GPC5: variants seen among roughly 807,000 people sequenced by gnomAD.
GPC5 encodes glypican-5.
A neutral mutation model predicts 53.9 loss-of-function variants in GPC5; 47 were observed. The observed-to-expected ratio is 0.87, with a 90% CI of 0.69 to 1.11. GPC5 has a LOEUF of 1.11. Among genes scored for constraint, GPC5 ranks in the 50% most tolerant of loss-of-function variants. The pLI is 0.00. For missense variants in GPC5, 748 were observed against 713.1 expected (o/e 1.05, Z -0.56); for synonymous variants, 286 against 263.3 (o/e 1.09, Z -0.84).
intron 3 of GPC5, among the ~76,000 whole-genome samples, chr13:91,705,068 G>A (rs1199616083): frequency 2.0e-5 from 3 of 152,190 alleles, no homozygotes; most frequent in Non-Finnish European, 4.4e-5. Flanking sequence ...GGTGTAAGAG[G>A]TGTGAGGATG....
At chr13:92,600,270 A>G (rs1479676753) in intron 7 of GPC5, among the ~76,000 whole-genome samples, 1 of 152,010 alleles carries the variant, frequency 6.6e-6, no homozygotes, top group Non-Finnish European at 1.5e-5. Context: ...ATATTTCATC[A>G]TCTTGTATGT....
At chr13:92,747,518 A>G (rs1475353) in intron 7 of GPC5, among the ~76,000 whole-genome samples, 37,163 of 152,068 alleles carry the variant, frequency 0.24, 4,955 homozygotes, top group East Asian at 0.4. Flanking sequence ...CACTGGGGGT[A>G]TGCATTGACC....
chr13:92,218,677 T>C (rs1467982091), intron 7 of GPC5, among the ~76,000 whole-genome samples: 3 of 152,172 alleles, frequency 2.0e-5, no homozygotes, highest in African/African-American at 7.2e-5. Flanking sequence ...AACCTAAGTT[T>C]CTCTAATAAA....
At chr13:91,616,706 A>T (rs1164286249) in intron 2 of GPC5, among the ~76,000 whole-genome samples, 1 of 152,162 alleles carries the variant, frequency 6.6e-6, no homozygotes. Flanking sequence ...AAAAGATCAT[A>T]TATTTAATTG....
chr13:92,134,745 T>C (rs1207293125), intron 6 of GPC5, among the ~76,000 whole-genome samples: 1 of 152,138 alleles, frequency 6.6e-6, no homozygotes, highest in Admixed American at 6.5e-5. Flanking sequence ...AATATCTTTC[T>C]AAAAGGGAGT....
At chr13:92,649,895 T>A (rs1885897838) in intron 7 of GPC5, among the ~76,000 whole-genome samples, 1 of 152,142 alleles carries the variant, frequency 6.6e-6, no homozygotes, top group Non-Finnish European at 1.5e-5. Context: ...ATACTTCGAA[T>A]AATTTAAAAA....
chr13:91,671,787 A>C, intron 2 of GPC5, among the ~76,000 whole-genome samples: 1 of 148,028 alleles, frequency 6.8e-6, no homozygotes, highest in Non-Finnish European at 1.5e-5. Flanking sequence ...AAGCAAAAAA[A>C]AAAAAAAAAA....
intron 6 of GPC5, among the ~76,000 whole-genome samples, chr13:91,965,436 A>G (rs80299786): frequency 0.029 from 4,369 of 152,184 alleles, 210 homozygotes; most frequent in African/African-American, 0.098. Flanking sequence ...GAATGATTAG[A>G]TATTTATAAC....
intron 7 of GPC5, among the ~76,000 whole-genome samples, chr13:92,725,394 T>C (rs1387110222): frequency 1.3e-5 from 2 of 151,514 alleles, no homozygotes; most frequent in Non-Finnish European, 3.0e-5. Context: ...ACTTTCAGAA[T>C]TGAGTGGGCT....
intron 7 of GPC5, among the ~76,000 whole-genome samples, chr13:92,239,512 C>A (rs1165460115): frequency 2.6e-5 from 4 of 151,880 alleles, no homozygotes; most frequent in Non-Finnish European, 5.9e-5. Context: ...TACAACACAC[C>A]ACTACACACC....
chr13:92,448,253 T>C (rs186657292), intron 7 of GPC5: 84 of 152,268 alleles, frequency 5.5e-4, no homozygotes, highest in Non-Finnish European at 1.0e-3. Context: ...GTTTCATTTA[T>C]TGGCATTTAA....
At chr13:92,262,550 A>G (rs1017122460) in intron 7 of GPC5, among the ~76,000 whole-genome samples, 4 of 152,172 alleles carry the variant, frequency 2.6e-5, no homozygotes, top group Non-Finnish European at 2.9e-5. Context: ...AATGCCATGC[A>G]TTTGAGCTCA....
intron 7 of GPC5, among the ~76,000 whole-genome samples, chr13:92,406,305 A>C (rs1875793584): frequency 1.3e-5 from 2 of 152,188 alleles, no homozygotes; most frequent in South Asian, 4.1e-4. Context: ...TTTTCTGTGA[A>C]ACTCCAATTT....
At chr13:92,751,931 G>A (rs1376905383) in intron 7 of GPC5, among the ~76,000 whole-genome samples, 5 of 151,670 alleles carry the variant, frequency 3.3e-5, no homozygotes, top group South Asian at 2.1e-4. Context: ...GGATCTACTC[G>A]TTTTCAGTTA....
chr13:92,702,683 C>T (rs1478601770), intron 7 of GPC5, among the ~76,000 whole-genome samples: 2 of 152,062 alleles, frequency 1.3e-5, no homozygotes, highest in South Asian at 2.1e-4. Context: ...TCTTATACTT[C>T]GGTCCATCAT....
intron 7 of GPC5, among the ~76,000 whole-genome samples, chr13:92,374,856 AAAAAAAAAAATAG>A (rs1447091832): frequency 9.7e-5 from 5 of 51,388 alleles, no homozygotes; most frequent in East Asian, 8.8e-4. Flanking sequence ...AGTATAATAA[AAAAAAAAAAATAG>A]AAAAAAAAAA....
chr13:92,315,282 G>T (rs2043171379), intron 7 of GPC5, among the ~76,000 whole-genome samples: 1 of 152,234 alleles, frequency 6.6e-6, no homozygotes, highest in South Asian at 2.1e-4. Flanking sequence ...AGTGGGACTG[G>T]GGAGGTTTTC....
At chr13:91,760,714 C>A (rs1168168669) in intron 5 of GPC5, among the ~76,000 whole-genome samples, 2 of 152,126 alleles carry the variant, frequency 1.3e-5, no homozygotes, top group Non-Finnish European at 2.9e-5. Flanking sequence ...CTAGGAGAGC[C>A]ATACAGACTA....
At chr13:92,109,029 G>A (rs1164861916) in intron 6 of GPC5, among the ~76,000 whole-genome samples, 1 of 138,106 alleles carries the variant, frequency 7.2e-6, no homozygotes, top group Non-Finnish European at 1.6e-5. Context: ...CTGTTTTCTT[G>A]TAGCGCCTTC....
Sources: gnomAD v4.1 joint callset for allele counts (sites outside exome capture counted in the v4.1 genomes callset) on GRCh38, gnomAD v4.1.1 for gene constraint, MANE v1.5 for transcripts, NCBI Gene and HGNC (gene_info 2026-07-23, HGNC 2026-07-21) for gene names.